The following GPRASP3 variants were observed in gnomAD, a reference collection of about 807,000 sequenced individuals.
The protein encoded by GPRASP3 is G protein-coupled receptor associated sorting protein 3.
At chrX:102,732,585 ATAG>A in the GPRASP3 span, among the ~76,000 whole-genome samples, 8 of 112,309 alleles carry the variant, frequency 7.1e-5, no homozygotes, top group African/African-American at 2.3e-4. Context: ...CTAGATTCTA[ATAG>A]TAGGTATATA....
the GPRASP3 span, among the ~76,000 whole-genome samples, chrX:102,728,204 A>G: frequency 9.0e-6 from 1 of 111,419 alleles, no homozygotes; most frequent in Non-Finnish European, 1.9e-5. Context: ...CCAATAATAT[A>G]TATATTTTTC....
chrX:102,749,595 G>A, the GPRASP3 span: 1 of 1,211,575 alleles, frequency 8.3e-7, no homozygotes, highest in Non-Finnish European at 1.1e-6. Flanking sequence ...TTAAGCCTCA[G>A]CCTGTGTATG....
At chrX:102,732,299 G>A in the GPRASP3 span, among the ~76,000 whole-genome samples, 1 of 112,253 alleles carries the variant, frequency 8.9e-6, no homozygotes, top group African/African-American at 3.2e-5. Flanking sequence ...ACGTCATTCC[G>A]TGGATTGGTG....
chrX:102,741,014 C>T, the GPRASP3 span, among the ~76,000 whole-genome samples: 2 of 111,275 alleles, frequency 1.8e-5, no homozygotes, highest in South Asian at 3.8e-4. Context: ...GGCAAATAAC[C>T]GAGTCTCATG....
At chrX:102,728,569 C>CT in the GPRASP3 span, among the ~76,000 whole-genome samples, 2,280 of 61,767 alleles carry the variant, frequency 0.037, 155 homozygotes, top group African/African-American at 0.072. Context: ...ATGTGCACTG[C>CT]TTTTTTTTTT....
the GPRASP3 span, chrX:102,752,580 TCTTAACA>T: frequency 1.6e-5 from 2 of 123,701 alleles, no homozygotes; most frequent in Non-Finnish European, 3.7e-5. Context: ...TGCCTTTTCC[TCTTAACA>T]CTTATCTTTT....
At chrX:102,734,915 G>A in the GPRASP3 span, among the ~76,000 whole-genome samples, 641 of 111,329 alleles carry the variant, frequency 5.8e-3, no homozygotes, top group Non-Finnish European at 9.6e-3. Context: ...TGTCATTTTT[G>A]GACTTTAGAG....
chrX:102,749,053 A>G, the GPRASP3 span: 1 of 1,211,921 alleles, frequency 8.3e-7, no homozygotes, highest in South Asian at 1.8e-5. Context: ...AAAGGCTGCT[A>G]TACAAGCTAA....
the GPRASP3 span, chrX:102,750,278 T>C: frequency 2.7e-5 from 33 of 1,205,547 alleles, no homozygotes; most frequent in Non-Finnish European, 3.5e-5. Context: ...GGATTAAAGA[T>C]ACTAGGACAA....
the GPRASP3 span, chrX:102,751,378 T>A: frequency 8.1e-6 from 1 of 123,364 alleles, no homozygotes; most frequent in Non-Finnish European, 1.9e-5. Context: ...CTTCTCACAG[T>A]GATCTTGTGA....
the GPRASP3 span, among the ~76,000 whole-genome samples, chrX:102,732,767 C>T: frequency 8.9e-6 from 1 of 111,869 alleles, no homozygotes; most frequent in Admixed American, 9.5e-5. Context: ...TTAAAATTTG[C>T]TTTGATGGAA....
chrX:102,740,146 G>A, the GPRASP3 span, among the ~76,000 whole-genome samples: 1 of 112,004 alleles, frequency 8.9e-6, no homozygotes, highest in Admixed American at 9.4e-5. Context: ...ACTCTCATAA[G>A]CCTCCTATCT....
At chrX:102,736,309 A>C in the GPRASP3 span, among the ~76,000 whole-genome samples, 8 of 112,516 alleles carry the variant, frequency 7.1e-5, no homozygotes, top group Admixed American at 7.5e-4. Context: ...TTTTCTGACA[A>C]TATTTAAGCA....
the GPRASP3 span, among the ~76,000 whole-genome samples, chrX:102,724,523 A>G: frequency 9.0e-6 from 1 of 110,598 alleles, no homozygotes; most frequent in Non-Finnish European, 1.9e-5. Context: ...CTATCCATCT[A>G]TCCTGTCATC....
chrX:102,735,570 AT>A, the GPRASP3 span, among the ~76,000 whole-genome samples: 26 of 105,122 alleles, frequency 2.5e-4, no homozygotes, highest in Admixed American at 4.1e-4. Context: ...CACCTGGCTA[AT>A]TTTTTTTTTT....
chrX:102,745,495 G>C, the GPRASP3 span, among the ~76,000 whole-genome samples: 7 of 111,014 alleles, frequency 6.3e-5, no homozygotes, highest in East Asian at 2.9e-4. Flanking sequence ...ACGCACAAGA[G>C]GACCACCCTA....
the GPRASP3 span, among the ~76,000 whole-genome samples, chrX:102,744,191 T>G: frequency 2.9e-4 from 33 of 112,397 alleles, no homozygotes; most frequent in East Asian, 8.9e-3. Context: ...AGATCAGATC[T>G]CCTTCACTGC....
the GPRASP3 span, chrX:102,749,950 T>C: frequency 8.3e-7 from 1 of 1,209,212 alleles, no homozygotes; most frequent in Non-Finnish European, 1.1e-6. Context: ...AATGGAATGC[T>C]ATATGGATTC....
the GPRASP3 span, among the ~76,000 whole-genome samples, chrX:102,725,354 A>G: frequency 2.7e-5 from 3 of 111,148 alleles, no homozygotes; most frequent in African/African-American, 9.8e-5. Flanking sequence ...TCAATCTTCA[A>G]TGTTCTTACC....
Sources: gnomAD v4.1 joint callset for allele counts (sites outside exome capture counted in the v4.1 genomes callset) on GRCh38, gnomAD v4.1.1 for gene constraint, MANE v1.5 for transcripts, NCBI Gene and HGNC (gene_info 2026-07-23, HGNC 2026-07-21) for gene names.